Variants in C10orf67 observed in about 807,000 individuals in gnomAD.
C10orf67 encodes the protein chromosome 10 open reading frame 67, also known as uncharacterized protein C10orf67, mitochondrial.
C10orf67 carries 60 observed loss-of-function variants against 35.6 expected under a neutral mutation model. That is an observed-to-expected ratio of 1.68 (90% CI 1.37 to 2.09). C10orf67 has a LOEUF of 2.09. C10orf67 is among the 30% of genes most tolerant of loss of function. The pLI is 0.00. For synonymous variants in C10orf67, 167 were observed against 115.8 expected, an observed-to-expected ratio of 1.44 and a Z score of -2.84; for missense variants, 474 against 330.2, an observed-to-expected ratio of 1.44 and a Z score of -3.38.
chr10:23,233,075 T>C (rs1198290558), intron 13 of C10orf67, among the ~76,000 whole-genome samples: 1 of 152,166 alleles, frequency 6.6e-6, no homozygotes, highest in Admixed American at 6.5e-5. Context: ...GACAATCACT[T>C]GAGCTCAGAG....
intron 1 of C10orf67, among the ~76,000 whole-genome samples, chr10:23,343,717 T>C (rs552016807): frequency 6.6e-6 from 1 of 152,298 alleles, no homozygotes; most frequent in African/African-American, 2.4e-5. Context: ...GAGTCCGTGC[T>C]CTTAGTGTCC....
At chr10:23,278,821 A>G (rs1351571076) in intron 8 of C10orf67, among the ~76,000 whole-genome samples, 1 of 152,228 alleles carries the variant, frequency 6.6e-6, no homozygotes, top group African/African-American at 2.4e-5. Context: ...GTGTAAAGAG[A>G]GAAATCTACC....
chr10:23,335,061 G>A (rs1237314092), intron 1 of C10orf67, among the ~76,000 whole-genome samples: 1 of 151,954 alleles, frequency 6.6e-6, no homozygotes, highest in Non-Finnish European at 1.5e-5. Context: ...GGTGGCACGT[G>A]CCTGTAATCC....
At chr10:23,209,920 A>G (rs1399371841) in intron 15 of C10orf67, among the ~76,000 whole-genome samples, 2 of 143,756 alleles carry the variant, frequency 1.4e-5, no homozygotes, top group Non-Finnish European at 3.0e-5. Context: ...GGATCACTTT[A>G]GCCCAGGAGG....
At chr10:23,327,437 A>G (rs1845242930) in intron 2 of C10orf67, among the ~76,000 whole-genome samples, 1 of 152,212 alleles carries the variant, frequency 6.6e-6, no homozygotes. Context: ...AAGAATGTTG[A>G]TACAGATAAA....
intron 15 of C10orf67, among the ~76,000 whole-genome samples, chr10:23,216,742 G>A (rs560309506): frequency 6.6e-6 from 1 of 152,172 alleles, no homozygotes; most frequent in Admixed American, 6.5e-5. Flanking sequence ...CCACCATCAT[G>A]GATATAATGC....
intron 13 of C10orf67, among the ~76,000 whole-genome samples, chr10:23,234,888 C>A (rs1472718891): frequency 1.3e-5 from 2 of 151,072 alleles, no homozygotes; most frequent in Non-Finnish European, 3.0e-5. Context: ...GGTACATGCC[C>A]ATAATCCCAG....
At chr10:23,310,146 G>A (rs4748855) in intron 4 of C10orf67, among the ~76,000 whole-genome samples, 59,075 of 152,012 alleles carry the variant, frequency 0.39, 14,434 homozygotes, top group East Asian at 0.74. Flanking sequence ...CACCTTTTAG[G>A]ACTTTCAGGA....
rs183116685 is a variant in C10orf67 at position 23,235,986 on chromosome 10, A to C, written c.1434+3743T>G. On this transcript the variant is annotated intron_variant, in intron 13 of 15. Coordinates refer to ENST00000636213, the MANE Select transcript of C10orf67 (RefSeq NM_001371909.1). ...AAAATTGGCTGGGCATGGTGGCTCA[A>C]GCCTGTAATCCCAGCACTTTGGGAG... 4.8e-3 allele frequency among the ~76,000 whole-genome samples: 728 copies of C among 151,762 alleles called. 13 individuals carry two copies. Among genetic ancestry groups the C allele is most frequent in the Admixed American group, 9.2e-3 (140 of 15,222 alleles).
chr10:23,233,789 T>C (rs1841972069), intron 13 of C10orf67, among the ~76,000 whole-genome samples: 1 of 152,200 alleles, frequency 6.6e-6, no homozygotes, highest in South Asian at 2.1e-4. Flanking sequence ...AAAATTTACT[T>C]GGTTTTTGGT....
chr10:23,269,065 T>A (rs1842954360), intron 8 of C10orf67, among the ~76,000 whole-genome samples: 1 of 152,210 alleles, frequency 6.6e-6, no homozygotes, highest in Non-Finnish European at 1.5e-5. Context: ...CATACTACTA[T>A]AAGAAATTTC....
intron 7 of C10orf67, among the ~76,000 whole-genome samples, chr10:23,287,544 C>A (rs973182618): frequency 3.9e-5 from 6 of 152,130 alleles, no homozygotes; most frequent in African/African-American, 1.2e-4. Flanking sequence ...CTAGGCAATA[C>A]CATTCAGGAC....
intron 2 of C10orf67, among the ~76,000 whole-genome samples, chr10:23,328,993 C>CAAAAAAAAAAAAAAAAAAAGAAAAAAAGA (rs1845312488): frequency 2.5e-5 from 2 of 78,732 alleles, no homozygotes; most frequent in African/African-American, 4.9e-5. Flanking sequence ...CATAAACGAA[C>CAAAAAAAAAAAAAAAAAAAGAAAAAAAGA]AAAAAAAAAA....
At chr10:23,216,596 A>G (rs1264346451) in intron 15 of C10orf67, among the ~76,000 whole-genome samples, 6 of 152,206 alleles carry the variant, frequency 3.9e-5, no homozygotes, top group Non-Finnish European at 1.5e-5. Flanking sequence ...CAGAATGAAT[A>G]TATTGTAGAA....
At chr10:23,308,930 G>A (rs745363045) in intron 4 of C10orf67, among the ~76,000 whole-genome samples, 3 of 151,786 alleles carry the variant, frequency 2.0e-5, no homozygotes, top group Admixed American at 1.3e-4. Flanking sequence ...CCTTAGCACC[G>A]GTCTCCCACC....
chr10:23,344,713 T>C lies in C10orf67; in HGVS notation c.62A>G (p.His21Arg), dbSNP rs373433070. 6 of 1,573,762 alleles carry C rather than the reference T, an allele frequency of 3.8e-6. No homozygotes were observed. The highest frequency in any genetic ancestry group is 1.4e-5 in the African/African-American group (1 of 73,812). ...YVMSIVIRWV[H>R]CFSSSLRGTF... ...CCCCCTCAAGGAGGAGGAAAAGCAG[T>C]GAACCCATCTAATAACTATGCTCAT... Residue 21 changes from histidine (H) to arginine (R), a missense_variant, in exon 1 of 16, where the codon CAC becomes CGC. His to Arg is a conservative substitution (Grantham distance 29). Transcript: ENST00000636213.
intron 15 of C10orf67, among the ~76,000 whole-genome samples, chr10:23,207,059 T>C (rs755605807): frequency 1.4e-4 from 22 of 152,096 alleles, no homozygotes; most frequent in Non-Finnish European, 2.9e-4. Context: ...AAATGTTTCA[T>C]TGCAAGGCCA....
rs561416389 is a variant in C10orf67 at position 23,313,351 on chromosome 10, G to A, written c.546+7390C>T. Among the ~76,000 whole-genome samples, 13 of 152,310 alleles carry A rather than the reference G, an allele frequency of 8.5e-5. No homozygotes were observed. The South Asian group carries it at 1.2e-3, about 15-fold the overall frequency. On this transcript the variant is annotated intron_variant, in intron 4 of 15. Transcript: ENST00000636213. ...GAGTGAAAGAACAGTTAAAGACCTC[G>A]ACATTATGGATTGCCTTTATTCTAG...
chr10:23,315,806 T>C (rs573170397), intron 4 of C10orf67, among the ~76,000 whole-genome samples: 10 of 152,104 alleles, frequency 6.6e-5, no homozygotes, highest in Non-Finnish European at 1.5e-4. Flanking sequence ...CCGGATAAGA[T>C]AGATTAAATG....
Sources: gnomAD v4.1 joint callset for allele counts (sites outside exome capture counted in the v4.1 genomes callset) on GRCh38, gnomAD v4.1.1 for gene constraint, MANE v1.5 for transcripts, NCBI Gene and HGNC (gene_info 2026-07-23, HGNC 2026-07-21) for gene names.